Variants in ATP11B observed in about 807,000 individuals in gnomAD.
ATP11B encodes ATPase phospholipid transporting 11B (putative).
ATP11B carries 81 observed loss-of-function variants against 157.8 expected under a neutral mutation model. The observed-to-expected ratio is 0.51, with a 90% CI of 0.43 to 0.62. The LOEUF (loss-of-function observed/expected upper bound fraction) is 0.62, where lower values mean the gene tolerates loss of function less well. ATP11B is among the 20% of genes least tolerant of loss of function. The pLI, the probability that ATP11B is intolerant of heterozygous loss-of-function variation, is 0.00. For synonymous variants in ATP11B, 451 were observed against 469.4 expected (o/e 0.96, Z 0.51); for missense variants, 1,165 against 1,402.2 (o/e 0.83, Z 2.70).
chr3:182,915,661 T>C (rs1725088816), intron 29 of ATP11B: 1 of 969,240 alleles, frequency 1.0e-6, no homozygotes, highest in African/African-American at 1.8e-5. Context: ...CCAGATTTTT[T>C]CTGCTATATA....
intron 10 of ATP11B, among the ~76,000 whole-genome samples, chr3:182,856,124 C>A (rs1378345953): frequency 6.6e-6 from 1 of 152,140 alleles, no homozygotes; most frequent in Admixed American, 6.5e-5. Context: ...AAACTGGAAA[C>A]AGCCTAATGT....
At chr3:182,812,258 A>G (rs1056487486) in intron 1 of ATP11B, among the ~76,000 whole-genome samples, 4 of 152,212 alleles carry the variant, frequency 2.6e-5, no homozygotes, top group African/African-American at 9.6e-5. Context: ...TTGCTGATAT[A>G]CCAAGGAGGA....
intron 7 of ATP11B, among the ~76,000 whole-genome samples, chr3:182,840,119 G>C (rs981693069): frequency 5.9e-5 from 9 of 151,996 alleles, no homozygotes; most frequent in African/African-American, 1.7e-4. Flanking sequence ...TTGTTTTGCT[G>C]TTTCAAATAC....
intron 28 of ATP11B, among the ~76,000 whole-genome samples, chr3:182,903,391 TTC>T (rs1419095173): frequency 1.3e-5 from 2 of 152,174 alleles, no homozygotes; most frequent in South Asian, 2.1e-4. Flanking sequence ...GAATTTTAAA[TTC>T]TGTTTTATTC....
At chr3:182,833,531 G>A (rs1273257484) in intron 4 of ATP11B, 1 of 152,092 alleles carries the variant, frequency 6.6e-6, no homozygotes, top group Non-Finnish European at 1.5e-5. Flanking sequence ...GTTTCGCCAT[G>A]TTGCCGGGTC....
At chr3:182,815,979 A>C (rs1716946244) in intron 1 of ATP11B, among the ~76,000 whole-genome samples, 1 of 152,164 alleles carries the variant, frequency 6.6e-6, no homozygotes, top group Admixed American at 6.5e-5. Context: ...TGATTTCTCC[A>C]GGTCTCATTC....
Position 182,828,177 on chromosome 3 carries a change from A to G in ATP11B, c.202A>G (p.Asn68Asp). The change falls in exon 3 of 30, where the codon AAC (asparagine) becomes GAC (aspartate). Residue 68 changes from asparagine to aspartate, a missense_variant. Physicochemically the swap from Asn to Asp is conservative, Grantham distance 23. Transcript: ENST00000323116. ...ATTTGAACAGTTCAGAAGAGTGGCA[A>G]ACTTTTATTTTCTTATTATATTTTT... is the stretch of plus-strand genomic sequence containing the variant. ...NLFEQFRRVA[N>D]FYFLIIFLVQ... The G allele has an allele frequency of 6.6e-7, 1 of 1,506,392 alleles. No individual in the cohort carries two copies. Among genetic ancestry groups the G allele is most frequent in the South Asian group, 1.3e-5 (1 of 74,480 alleles). 93.3% of individuals were successfully genotyped at this position (1,506,392 alleles called of 1,614,324 possible).
At chr3:182,900,730 A>G (rs1192638059) in intron 28 of ATP11B, among the ~76,000 whole-genome samples, 4 of 152,222 alleles carry the variant, frequency 2.6e-5, no homozygotes, top group East Asian at 1.9e-4. Flanking sequence ...ACCAAAATAT[A>G]TGGATGGCAT....
In ATP11B at chr3:182,897,586, A is replaced by G. The variant is rs1038977905; in HGVS notation, c.3152+180A>G. 2.0e-5 allele frequency among the ~76,000 whole-genome samples: 3 copies of G among 151,974 alleles called. No homozygotes were observed. The East Asian group carries it at 5.8e-4, about 29-fold the overall frequency. On this transcript the variant is annotated intron_variant, in intron 27 of 29. Coordinates refer to ENST00000323116, the MANE Select transcript of ATP11B (RefSeq NM_014616.3). ...AACTAACATTTATTGAATATCTACA[A>G]TTTTTCTAGATTTTTTTTATATAAG...
At chr3:182,796,488 T>A (rs1715605747) in intron 1 of ATP11B, among the ~76,000 whole-genome samples, 1 of 152,218 alleles carries the variant, frequency 6.6e-6, no homozygotes, top group South Asian at 2.1e-4. Flanking sequence ...AAATTAAAAT[T>A]TGAATTCATG....
intron 29 of ATP11B, chr3:182,915,920 A>T: frequency 1.0e-6 from 1 of 973,402 alleles, no homozygotes; most frequent in Non-Finnish European, 1.2e-6. Flanking sequence ...ATCATATTAG[A>T]CTATAAATGC....
intron 28 of ATP11B, among the ~76,000 whole-genome samples, chr3:182,911,274 C>CCCA (rs1724769345): frequency 8.3e-6 from 1 of 120,826 alleles, no homozygotes; most frequent in Non-Finnish European, 1.7e-5. Flanking sequence ...TTGAAATGCC[C>CCCA]CCCCCCGCTA....
In ATP11B at chr3:182,794,202, G is replaced by T. The variant is rs186342779; in HGVS notation, c.27+416G>T. Among the ~76,000 whole-genome samples the T allele has an allele frequency of 2.0e-4, 30 of 152,306 alleles. No homozygotes were observed. In the East Asian group the frequency reaches 5.8e-3, roughly 29 times the overall value. ...TGCTCTTCCTGCCTCGAACAATTTGGGACGTGTTTGGGTGAAGGGGAAGCG... is the reference window on the plus strand; with the variant it reads ...TGCTCTTCCTGCCTCGAACAATTTGTGACGTGTTTGGGTGAAGGGGAAGCG... On this transcript the variant is annotated intron_variant, in intron 1 of 29. Coordinates refer to ENST00000323116, the MANE Select transcript of ATP11B (RefSeq NM_014616.3).
intron 6 of ATP11B, 74 bp downstream of exon 6, chr3:182,836,544 G>C (rs1030221908): frequency 7.0e-6 from 11 of 1,564,478 alleles, no homozygotes; most frequent in Non-Finnish European, 9.6e-6. Flanking sequence ...CTTAACTTTG[G>C]TTAAAGTAGT....
chr3:182,866,950 A>G (rs1243483263), intron 14 of ATP11B, among the ~76,000 whole-genome samples: 1 of 149,428 alleles, frequency 6.7e-6, no homozygotes, highest in Admixed American at 6.7e-5. Flanking sequence ...TCTTTTTTTG[A>G]GATGGAATCT....
At chr3:182,914,676 A>G (rs929175488) in intron 29 of ATP11B, 21 of 985,294 alleles carry the variant, frequency 2.1e-5, no homozygotes, top group Non-Finnish European at 2.5e-5. Flanking sequence ...TTCTTGAATG[A>G]GATTTATCAC....
intron 29 of ATP11B, chr3:182,915,277 T>C (rs1178279569): frequency 7.1e-6 from 7 of 985,398 alleles, no homozygotes; most frequent in Non-Finnish European, 8.4e-6. Context: ...CAATCCCCGT[T>C]TATTCTGACT....
intron 28 of ATP11B, among the ~76,000 whole-genome samples, chr3:182,900,200 A>G (rs1338823767): frequency 6.6e-6 from 1 of 152,200 alleles, no homozygotes; most frequent in Non-Finnish European, 1.5e-5. Context: ...TTGAGACAGC[A>G]TAGGCCTGTG....
chr3:182,820,335 A>G lies in ATP11B; in HGVS notation c.103A>G (p.Thr35Ala), dbSNP rs1483646014. ...CAGGTTTCCTCAGAATGGCCTTTAC[A>G]CACCTCAGAAATTTATAGATAACAG... ...ANRFPQNGLY[T>A]PQKFIDNRII... is the part of the protein sequence containing the mutation. Residue 35 changes from threonine to alanine, a missense_variant, in exon 2 of 30, where the codon ACA becomes GCA. Thr to Ala is a moderately conservative substitution (Grantham distance 58). This residue lies in a region of ATP11B where 91 missense variants were observed against 95.8 expected (regional missense o/e 0.95). Coordinates refer to ENST00000323116, the MANE Select transcript of ATP11B (RefSeq NM_014616.3). The G allele has an allele frequency of 1.9e-6, 3 of 1,612,916 alleles. No homozygotes were observed. Among genetic ancestry groups the G allele is most frequent in the Non-Finnish European group, 2.5e-6 (3 of 1,178,960 alleles).
Sources: gnomAD v4.1 joint callset for allele counts (sites outside exome capture counted in the v4.1 genomes callset) on GRCh38, gnomAD v4.1.1 for gene constraint, gnomAD v4.1.1 regional missense constraint, MANE v1.5 for transcripts, NCBI Gene and HGNC (gene_info 2026-07-23, HGNC 2026-07-21) for gene names.